The following ZMAT4 variants were observed in gnomAD, a reference collection of about 807,000 sequenced individuals.
The protein encoded by ZMAT4 is zinc finger matrin-type 4, also known as zinc finger matrin-type protein 4.
Under a neutral mutation model 28.7 loss-of-function variants are expected in ZMAT4, and 17 were observed. That is an observed-to-expected ratio of 0.59 (90% CI 0.41 to 0.89). ZMAT4 has a LOEUF of 0.89. ZMAT4 is among the 40% of genes least tolerant of loss of function. The pLI, the probability that ZMAT4 is intolerant of heterozygous loss-of-function variation, is 0.00. For missense variants in ZMAT4, 240 were observed against 283.8 expected, an observed-to-expected ratio of 0.85 and a Z score of 1.11; for synonymous variants, 117 against 109.2, an observed-to-expected ratio of 1.07 and a Z score of -0.44.
intron 5 of ZMAT4, among the ~76,000 whole-genome samples, chr8:40,585,195 A>G (rs910754525): frequency 1.3e-5 from 2 of 152,170 alleles, no homozygotes; most frequent in African/African-American, 4.8e-5. Context: ...TGTTCAATTA[A>G]GAGTCCATTT....
At chr8:40,660,868 A>G (rs1242187163) in intron 5 of ZMAT4, among the ~76,000 whole-genome samples, 1 of 152,230 alleles carries the variant, frequency 6.6e-6, no homozygotes, top group African/African-American at 2.4e-5. Flanking sequence ...TACACAAAAC[A>G]TACCAGACAT....
chr8:40,649,182 C>T (rs1257450782), intron 5 of ZMAT4, among the ~76,000 whole-genome samples: 4 of 152,096 alleles, frequency 2.6e-5, no homozygotes, highest in Non-Finnish European at 5.9e-5. Flanking sequence ...GGAAACCCAA[C>T]TCACGTGCAG....
At chr8:40,552,789 G>C (rs1276804239) in intron 6 of ZMAT4, among the ~76,000 whole-genome samples, 6 of 152,136 alleles carry the variant, frequency 3.9e-5, no homozygotes, top group African/African-American at 1.4e-4. Flanking sequence ...CAATGTAGTA[G>C]TGTTAAAAAT....
rs780267415 is a variant in ZMAT4, at chr8:40,581,126, A to G, written c.674+39T>C. 5.2e-5 allele frequency: 81 copies of G among 1,545,620 alleles called. No individual in the cohort carries two copies. In the East Asian group the frequency reaches 1.5e-3, roughly 29 times the overall value. On this transcript the variant is annotated intron_variant, in intron 6 of 6. Transcript: ENST00000297737. ...CTTTAGTCATCTTACTAAAAATTAC[A>G]TCGAAGAAACTGAAGAGTGAAAGCA...
chr8:40,644,549 T>A (rs571651057), intron 5 of ZMAT4, among the ~76,000 whole-genome samples: 6 of 152,220 alleles, frequency 3.9e-5, no homozygotes, highest in African/African-American at 1.4e-4. Context: ...AATAAATATA[T>A]CCATGAGTTT....
chr8:40,548,094 G>C lies in ZMAT4; in HGVS notation c.675-15856C>G, dbSNP rs115751687. ...AAGGGGCACCTAAGAAATCCATGTGGCTGGAGCCCAGGGAAGAAGGGTGAG... is the reference window on the plus strand; with the variant it reads ...AAGGGGCACCTAAGAAATCCATGTGCCTGGAGCCCAGGGAAGAAGGGTGAG... On this transcript the variant is annotated intron_variant, in intron 6 of 6. Coordinates refer to ENST00000297737, the MANE Select transcript of ZMAT4 (RefSeq NM_024645.3). 2.0e-3 allele frequency among the ~76,000 whole-genome samples: 310 copies of C among 152,284 alleles called. 1 individual carries two copies. Among genetic ancestry groups the C allele is most frequent in the African/African-American group, 7.3e-3 (302 of 41,574 alleles).
chr8:40,759,516 A>G (rs1045298181), intron 3 of ZMAT4, among the ~76,000 whole-genome samples: 1 of 152,196 alleles, frequency 6.6e-6, no homozygotes, highest in Non-Finnish European at 1.5e-5. Context: ...CTGAACTGCC[A>G]TAAGATGTTC....
At chr8:40,691,624 AC>A (rs1483101808) in intron 4 of ZMAT4, among the ~76,000 whole-genome samples, 2 of 152,214 alleles carry the variant, frequency 1.3e-5, no homozygotes, top group African/African-American at 4.8e-5. Flanking sequence ...GAATCCTCAA[AC>A]AATGAGGATC....
chr8:40,659,930 A>T (rs552528389), intron 5 of ZMAT4, among the ~76,000 whole-genome samples: 35 of 152,220 alleles, frequency 2.3e-4, no homozygotes, highest in South Asian at 4.1e-4. Context: ...TGAGTGATAG[A>T]TGCCTTTCTT....
intron 2 of ZMAT4, among the ~76,000 whole-genome samples, chr8:40,816,907 T>C (rs1815562202): frequency 6.6e-6 from 1 of 152,126 alleles, no homozygotes; most frequent in African/African-American, 2.4e-5. Context: ...GCCAATTGCT[T>C]CTAGACATCC....
intron 4 of ZMAT4, among the ~76,000 whole-genome samples, chr8:40,679,547 A>T (rs1382741794): frequency 2.6e-5 from 4 of 152,166 alleles, no homozygotes; most frequent in African/African-American, 9.6e-5. Flanking sequence ...AAGGACGGGA[A>T]GGCCCCTTAT....
intron 3 of ZMAT4, among the ~76,000 whole-genome samples, chr8:40,765,652 T>G (rs1218341789): frequency 6.6e-6 from 1 of 152,204 alleles, no homozygotes; most frequent in Non-Finnish European, 1.5e-5. Flanking sequence ...CACTGTAAAC[T>G]GTCCTTGCGG....
At chr8:40,568,831 C>A (rs536828733) in intron 6 of ZMAT4, among the ~76,000 whole-genome samples, 42 of 152,250 alleles carry the variant, frequency 2.8e-4, no homozygotes, top group South Asian at 8.3e-4. Flanking sequence ...CCACAATAAC[C>A]TTTCTTGATG....
chr8:40,784,723 C>T (rs559310426), intron 2 of ZMAT4, among the ~76,000 whole-genome samples: 47 of 152,278 alleles, frequency 3.1e-4, no homozygotes, highest in African/African-American at 1.0e-3. Flanking sequence ...CCCCATTCAA[C>T]GGAGAATCAT....
intron 5 of ZMAT4, among the ~76,000 whole-genome samples, chr8:40,654,177 C>T (rs1273578541): frequency 2.0e-5 from 3 of 152,170 alleles, no homozygotes; most frequent in Non-Finnish European, 4.4e-5. Flanking sequence ...AGATGCAAAG[C>T]CACCACTGCC....
chr8:40,867,333 C>T (rs907153689), intron 1 of ZMAT4, among the ~76,000 whole-genome samples: 11 of 152,134 alleles, frequency 7.2e-5, no homozygotes, highest in South Asian at 4.1e-4. Flanking sequence ...ATCTGGGCCA[C>T]GTGCAGCTGG....
chr8:40,565,299 T>C (rs1803880884), intron 6 of ZMAT4, among the ~76,000 whole-genome samples: 2 of 151,950 alleles, frequency 1.3e-5, no homozygotes, highest in Non-Finnish European at 2.9e-5. Context: ...AGTAATTTCC[T>C]TGGGTAAGTC....
chr8:40,784,692 G>A (rs972697792), intron 2 of ZMAT4, among the ~76,000 whole-genome samples: 3 of 152,154 alleles, frequency 2.0e-5, no homozygotes, highest in Middle Eastern at 3.2e-3. Flanking sequence ...TTTGATGGAC[G>A]TGAAGACACA....
At chr8:40,637,447 A>T (rs1228805330) in intron 5 of ZMAT4, among the ~76,000 whole-genome samples, 2 of 152,220 alleles carry the variant, frequency 1.3e-5, no homozygotes, top group Non-Finnish European at 2.9e-5. Flanking sequence ...GTCTGGACAA[A>T]GTGACTTCAA....
Sources: gnomAD v4.1 joint callset for allele counts (sites outside exome capture counted in the v4.1 genomes callset) on GRCh38, gnomAD v4.1.1 for gene constraint, MANE v1.5 for transcripts, NCBI Gene and HGNC (gene_info 2026-07-23, HGNC 2026-07-21) for gene names.